YAP1: variants seen among roughly 807,000 people sequenced by gnomAD.
YAP1 encodes the protein Yes1 associated transcriptional regulator, also known as transcriptional coactivator YAP1.
In YAP1, 5 loss-of-function variants were observed where a neutral mutation model predicts 56.9. The ratio of observed to expected loss-of-function variants is 0.09; its 90% CI spans 0.05 to 0.18. YAP1 has a LOEUF of 0.18. Among genes scored for constraint, YAP1 ranks in the 10% least tolerant of loss-of-function variants. YAP1 has a pLI of 1.00. For synonymous variants in YAP1, 265 were observed against 248.1 expected, an observed-to-expected ratio of 1.07 and a Z score of -0.64; for missense variants, 539 against 651.8, an observed-to-expected ratio of 0.83 and a Z score of 1.88.
intron 2 of YAP1, among the ~76,000 whole-genome samples, chr11:102,129,005 C>T (rs189191665): frequency 2.6e-5 from 4 of 152,216 alleles, no homozygotes; most frequent in Admixed American, 6.5e-5. Context: ...TCCCCAGTCT[C>T]CTGACACTGT....
intron 3 of YAP1, among the ~76,000 whole-genome samples, chr11:102,182,423 T>C (rs1173608559): frequency 1.3e-5 from 2 of 152,206 alleles, no homozygotes; most frequent in African/African-American, 4.8e-5. Flanking sequence ...CCCAAACAGA[T>C]GATTGAAACA....
At chr11:102,132,110 C>T (rs1353597472) in intron 2 of YAP1, among the ~76,000 whole-genome samples, 1 of 151,728 alleles carries the variant, frequency 6.6e-6, no homozygotes, top group Non-Finnish European at 1.5e-5. Context: ...AGAGCGAGAC[C>T]CTGTGTCAAA....
At position 102,120,450 on chromosome 11, in the gene YAP1, A is replaced by G. The variant is rs144839852; in HGVS notation, c.572+6056A>G. Among the ~76,000 whole-genome samples, 775 of 152,322 alleles carry G rather than the reference A, an allele frequency of 5.1e-3. 9 individuals are homozygous for G. Among genetic ancestry groups the G allele is most frequent in the African/African-American group, 0.018 (742 of 41,572 alleles). The stretch of plus-strand genomic sequence containing the variant: ...TTAATAAAATAGTGCAAATGGCAGT[A>G]TCTATTATTTGGGTTTTCTTCTACC... On this transcript the variant is annotated intron_variant, in intron 2 of 8. Coordinates refer to ENST00000282441, the MANE Select transcript of YAP1 (RefSeq NM_001130145.3).
chr11:102,185,953 C>A, intron 3 of YAP1, 65 bp from the exon 4 acceptor site: 1 of 1,461,684 alleles, frequency 6.8e-7, no homozygotes, highest in Non-Finnish European at 9.1e-7. Context: ...TTAGTACCCC[C>A]TCCCACTTTT....
intron 2 of YAP1, among the ~76,000 whole-genome samples, chr11:102,121,447 A>AAC (rs1243054660): frequency 2.0e-5 from 3 of 151,602 alleles, no homozygotes; most frequent in African/African-American, 4.9e-5. Flanking sequence ...TCAAAAAAAA[A>AAC]AAAAACTAAA....
chr11:102,227,373 T>A (rs1950243486), intron 7 of YAP1, 96 bp from the exon 8 acceptor site: 1 of 825,382 alleles, frequency 1.2e-6, no homozygotes, highest in Non-Finnish European at 2.0e-6. Context: ...CTAATCCTCT[T>A]TGAGAATTAT....
Position 102,111,183 on chromosome 11 carries a change from C to A in YAP1, c.321+14C>A. Reference sequence around the variant, plus strand: ...CACTCCCGACAGGTAACCTCGTTGCCCCTCTCCCCGTTTCCCCGTCGGGCG... The same window carrying A: ...CACTCCCGACAGGTAACCTCGTTGCACCTCTCCCCGTTTCCCCGTCGGGCG... On this transcript the variant is annotated intron_variant, in intron 1 of 8. Transcript: ENST00000282441. 6.2e-7 allele frequency: 1 copy of A among 1,611,616 alleles called. No individual in the cohort carries two copies. Among genetic ancestry groups the A allele is most frequent in the Non-Finnish European group, 8.5e-7 (1 of 1,179,276 alleles).
chr11:102,123,739 A>G (rs371331639), intron 2 of YAP1, among the ~76,000 whole-genome samples: 27 of 145,752 alleles, frequency 1.9e-4, no homozygotes, highest in African/African-American at 6.4e-4. Flanking sequence ...TCCTGGGTTC[A>G]TGCCATTCTC....
intron 6 of YAP1, among the ~76,000 whole-genome samples, chr11:102,218,741 G>C (rs900052284): frequency 3.7e-4 from 56 of 152,124 alleles, no homozygotes; most frequent in African/African-American, 1.3e-3. Flanking sequence ...TATCTCCTTA[G>C]GTAACTTGGA....
At chr11:102,131,498 A>G (rs1046648561) in intron 2 of YAP1, among the ~76,000 whole-genome samples, 1 of 152,232 alleles carries the variant, frequency 6.6e-6, no homozygotes, top group African/African-American at 2.4e-5. Context: ...AGTTCAATAA[A>G]GAGAGATCTT....
In YAP1 at chr11:102,188,542, C is replaced by G. The variant is rs539282280; in HGVS notation, c.802+2411C>G. ...GGCAGACCACATATACAGTCGTGGT[C>G]CTATATGATTCTAATACTGTGTTTT... On this transcript the variant is annotated intron_variant, in intron 4 of 8. Transcript: ENST00000282441. Among the ~76,000 whole-genome samples the G allele has an allele frequency of 9.2e-5, 14 of 152,256 alleles. No homozygotes were observed. The South Asian group carries it at 2.9e-3, about 32-fold the overall frequency.
intron 6 of YAP1, among the ~76,000 whole-genome samples, chr11:102,222,652 G>C (rs1949988891): frequency 6.6e-6 from 1 of 152,184 alleles, no homozygotes; most frequent in Non-Finnish European, 1.5e-5. Flanking sequence ...GTTTGTGGTG[G>C]AGAAGCCTTG....
chr11:102,115,420 G>T (rs1373320956), intron 2 of YAP1, among the ~76,000 whole-genome samples: 1 of 152,112 alleles, frequency 6.6e-6, no homozygotes, highest in East Asian at 1.9e-4. Flanking sequence ...ATGTTTTGTT[G>T]TGTGAATCCT....
At chr11:102,192,116 G>T (rs1948322573) in intron 4 of YAP1, among the ~76,000 whole-genome samples, 1 of 152,158 alleles carries the variant, frequency 6.6e-6, no homozygotes, top group Non-Finnish European at 1.5e-5. Context: ...TTATAGTGTA[G>T]CCCATTCTAC....
intron 3 of YAP1, among the ~76,000 whole-genome samples, chr11:102,171,354 C>G (rs547842587): frequency 1.3e-5 from 2 of 152,132 alleles, no homozygotes; most frequent in Admixed American, 1.3e-4. Flanking sequence ...TCATAGACTA[C>G]CATATATAGT....
intron 4 of YAP1, among the ~76,000 whole-genome samples, chr11:102,194,893 A>G (rs1948493689): frequency 6.6e-6 from 1 of 152,228 alleles, no homozygotes; most frequent in Admixed American, 6.5e-5. Context: ...AGTGACAAGT[A>G]TATTTTAAAA....
chr11:102,158,832 T>G (rs1591267736), intron 2 of YAP1, among the ~76,000 whole-genome samples: 1 of 152,228 alleles, frequency 6.6e-6, no homozygotes, highest in East Asian at 1.9e-4. Context: ...TTGATTATGT[T>G]GTTCAGTGTT....
intron 3 of YAP1, among the ~76,000 whole-genome samples, chr11:102,173,139 CTT>C (rs935060067): frequency 2.0e-5 from 3 of 152,038 alleles, no homozygotes; most frequent in Non-Finnish European, 2.9e-5. Flanking sequence ...GGGTTGAGGA[CTT>C]GAGTACTAGT....
intron 4 of YAP1, among the ~76,000 whole-genome samples, chr11:102,191,301 T>G (rs114759104): frequency 0.013 from 1,938 of 152,174 alleles, 41 homozygotes; most frequent in African/African-American, 0.045. Context: ...TCAACATCCC[T>G]GGCCCGCTAA....
Sources: allele counts gnomAD v4.1 joint callset (sites outside exome capture counted in the v4.1 genomes callset), GRCh38; gene constraint gnomAD v4.1.1; transcripts MANE v1.5; gene names NCBI Gene and HGNC (gene_info 2026-07-23, HGNC 2026-07-21).